HIVEP3: variants seen among roughly 807,000 people sequenced by gnomAD.
HIVEP3 encodes transcription factor HIVEP3.
A neutral mutation model predicts 152.8 loss-of-function variants in HIVEP3; 49 were observed. The observed-to-expected ratio is 0.32, with a 90% CI of 0.26 to 0.41. The LOEUF is 0.41. Among genes scored for constraint, HIVEP3 ranks in the 10% least tolerant of loss-of-function variants. The probability of loss-of-function intolerance (pLI) is 1.00; values close to 1 mark genes in which losing one functional copy is unlikely to be tolerated. For missense variants in HIVEP3, 2,790 were observed against 3,103.3 expected, an observed-to-expected ratio of 0.90 and a Z score of 2.40; for synonymous variants, 1,269 against 1,289.0, an observed-to-expected ratio of 0.98 and a Z score of 0.33.
chr1:41,584,451 C>A lies in HIVEP3; in HGVS notation c.347G>T (p.Gly116Val), dbSNP rs764535888. 1.2e-6 allele frequency: 2 copies of A among 1,614,058 alleles called. No homozygotes were observed. Among genetic ancestry groups the A allele is most frequent in the African/African-American group, 2.7e-5 (2 of 74,988 alleles). Residue 116 changes from glycine to valine, a missense_variant, in exon 4 of 9, where the codon GGG becomes GTG. By Grantham distance (109) the Gly-to-Val change is moderately radical. Coordinates refer to ENST00000372583, the MANE Select transcript of HIVEP3 (RefSeq NM_024503.5). This position sits in a 1 kb window ranked among gnomAD's most constrained non-coding sequence, Gnocchi z 5.2. ...SPGKPEHLLE[G>V]STWQLVDPMR... Reference sequence around the variant, plus strand: ...GGGGTCAACCAGTTGCCATGTGGACCCCTCCAGGAGATGCTCAGGTTTGCC... The same window carrying A: ...GGGGTCAACCAGTTGCCATGTGGACACCTCCAGGAGATGCTCAGGTTTGCC...
chr1:41,946,752 G>A (rs1336922432), intron 1 of HIVEP3, among the ~76,000 whole-genome samples: 1 of 152,048 alleles, frequency 6.6e-6, no homozygotes, highest in African/African-American at 2.4e-5. Flanking sequence ...TAAACTAAAG[G>A]ATTCTGCCTC....
At chr1:41,830,580 GCAGTCTTTATC>G (rs775537782) in intron 1 of HIVEP3, among the ~76,000 whole-genome samples, 1 of 152,168 alleles carries the variant, frequency 6.6e-6, no homozygotes, top group Non-Finnish European at 1.5e-5. Context: ...TTTCCCAAAA[GCAGTCTTTATC>G]CACTGACTGA....
chr1:41,656,134 T>C (rs1239821644), intron 2 of HIVEP3, among the ~76,000 whole-genome samples: 1 of 152,222 alleles, frequency 6.6e-6, no homozygotes, highest in African/African-American at 2.4e-5. Flanking sequence ...CACAGTCTCT[T>C]CCTTGTCCAG....
chr1:41,528,798 TCAC>T (rs372546001), intron 5 of HIVEP3, among the ~76,000 whole-genome samples: 45 of 86,770 alleles, frequency 5.2e-4, no homozygotes, highest in African/African-American at 1.9e-3. Context: ...ACCCTCACAC[TCAC>T]CTTCACACTC....
At chr1:41,617,973 A>G (rs1006448129) in intron 3 of HIVEP3, among the ~76,000 whole-genome samples, 1 of 152,022 alleles carries the variant, frequency 6.6e-6, no homozygotes, top group Non-Finnish European at 1.5e-5. Flanking sequence ...GCATTTCCCT[A>G]AGCTGAGACC....
intron 1 of HIVEP3, among the ~76,000 whole-genome samples, chr1:41,766,147 A>C (rs1017598204): frequency 6.6e-6 from 1 of 152,186 alleles, no homozygotes; most frequent in African/African-American, 2.4e-5. Flanking sequence ...CCACCAGAAA[A>C]ATACTCACTG....
At chr1:41,858,934 A>G (rs1199301042) in intron 1 of HIVEP3, among the ~76,000 whole-genome samples, 1 of 152,232 alleles carries the variant, frequency 6.6e-6, no homozygotes, top group Non-Finnish European at 1.5e-5. Flanking sequence ...TGGCTGGATT[A>G]TAATACATCA....
At chr1:41,558,043 T>C (rs2149086161) in intron 5 of HIVEP3, among the ~76,000 whole-genome samples, 1 of 152,266 alleles carries the variant, frequency 6.6e-6, no homozygotes, top group East Asian at 1.9e-4. Context: ...CAGCGAACAG[T>C]AAGCGGCAGA....
At chr1:41,986,197 T>C (rs1263776284) in intron 1 of HIVEP3, among the ~76,000 whole-genome samples, 1 of 152,194 alleles carries the variant, frequency 6.6e-6, no homozygotes, top group Non-Finnish European at 1.5e-5. Context: ...GTCTAAAAGA[T>C]GAGAGCCTGC....
chr1:41,720,407 G>A (rs1646657944), intron 1 of HIVEP3, among the ~76,000 whole-genome samples: 2 of 152,222 alleles, frequency 1.3e-5, no homozygotes, highest in African/African-American at 2.4e-5. Flanking sequence ...TCTAGAAAGA[G>A]ACATGTTCAT....
At chr1:41,783,875 T>C (rs1649194197) in intron 1 of HIVEP3, among the ~76,000 whole-genome samples, 1 of 152,166 alleles carries the variant, frequency 6.6e-6, no homozygotes, top group Non-Finnish European at 1.5e-5. Context: ...TGCAGCAAAA[T>C]CATGGAAGGA....
intron 1 of HIVEP3, among the ~76,000 whole-genome samples, chr1:41,942,062 A>T (rs1392020635): frequency 6.6e-6 from 1 of 152,240 alleles, no homozygotes; most frequent in Non-Finnish European, 1.5e-5. Flanking sequence ...ATGGAGAAAG[A>T]AGATGATTTG....
chr1:41,769,034 C>T (rs1177163636), intron 1 of HIVEP3, among the ~76,000 whole-genome samples: 4 of 152,328 alleles, frequency 2.6e-5, no homozygotes, highest in Non-Finnish European at 2.9e-5. Context: ...ACTTGGCCAG[C>T]GTGTTGCAAT....
chr1:41,624,657 A>G (rs1168053186), intron 3 of HIVEP3, among the ~76,000 whole-genome samples: 1 of 152,232 alleles, frequency 6.6e-6, no homozygotes, highest in Non-Finnish European at 1.5e-5. Flanking sequence ...GATTATCATG[A>G]AAATATCATA....
chr1:41,906,467 A>T (rs951657933), intron 1 of HIVEP3, among the ~76,000 whole-genome samples: 1 of 152,196 alleles, frequency 6.6e-6, no homozygotes, highest in Admixed American at 6.5e-5. Flanking sequence ...GATTTTAGCT[A>T]TATGAAATTC....
chr1:41,544,226 A>G (rs1643605049), intron 5 of HIVEP3: 1 of 152,148 alleles, frequency 6.6e-6, no homozygotes, highest in Non-Finnish European at 1.5e-5. Flanking sequence ...CCGCAAGAAC[A>G]CAAACGAACA....
Position 41,662,692 on chromosome 1 carries a change from C to T in HIVEP3, c.-720-33745G>A, listed in dbSNP as rs1645735829. 6.6e-6 allele frequency among the ~76,000 whole-genome samples: 1 copy of T among 151,626 alleles called. No individual in the cohort carries two copies. The highest frequency in any genetic ancestry group is 1.5e-5 in the Non-Finnish European group (1 of 67,778). Reference sequence around the variant, plus strand: ...TCCTCGGTGACAGGCCGTGTCACTCCGGGCGCCGCCCCTCCCTCCGCGCCC... The same window carrying T: ...TCCTCGGTGACAGGCCGTGTCACTCTGGGCGCCGCCCCTCCCTCCGCGCCC... On this transcript the variant is annotated intron_variant, in intron 2 of 8. Coordinates refer to ENST00000372583, the MANE Select transcript of HIVEP3 (RefSeq NM_024503.5). The surrounding 1 kb of genome is among the most constrained non-coding windows in gnomAD (Gnocchi z 7.2).
intron 5 of HIVEP3, among the ~76,000 whole-genome samples, chr1:41,527,345 ACACT>A (rs1179738707): frequency 7.1e-5 from 3 of 42,036 alleles, no homozygotes; most frequent in African/African-American, 2.3e-4. Flanking sequence ...TCCCACCTTC[ACACT>A]CACCTTCACA....
intron 3 of HIVEP3, among the ~76,000 whole-genome samples, chr1:41,621,245 C>T (rs1394472196): frequency 2.0e-5 from 3 of 152,226 alleles, no homozygotes; most frequent in Non-Finnish European, 2.9e-5. Flanking sequence ...CTCCTGGCCC[C>T]CAGTATGGGA....
Sources: gnomAD v4.1 joint callset for allele counts (sites outside exome capture counted in the v4.1 genomes callset) on GRCh38, gnomAD v4.1.1 for gene constraint, Gnocchi (gnomAD v3.1) non-coding constraint, MANE v1.5 for transcripts, NCBI Gene and HGNC (gene_info 2026-07-23, HGNC 2026-07-21) for gene names.